The following COL28A1 variants were observed in gnomAD, a reference collection of about 807,000 sequenced individuals.
The protein encoded by COL28A1 is collagen type XXVIII alpha 1 chain.
Under a neutral mutation model 150.2 loss-of-function variants are expected in COL28A1, and 161 were observed. The observed-to-expected ratio is 1.07, with a 90% CI of 0.94 to 1.22. The LOEUF is 1.22. COL28A1 is among the 50% of genes most tolerant of loss of function. The probability of loss-of-function intolerance (pLI) is 0.00; values close to 1 mark genes in which losing one functional copy is unlikely to be tolerated. For missense variants in COL28A1, 1,617 were observed against 1,388.3 expected (o/e 1.16, Z -2.62); for synonymous variants, 552 against 469.7 (o/e 1.18, Z -2.26).
At chr7:7,510,975 C>G in intron 9 of COL28A1, 116 bp downstream of exon 9, 1 of 773,608 alleles carries the variant, frequency 1.3e-6, no homozygotes, top group Non-Finnish European at 2.2e-6. Flanking sequence ...AAAATTGAGC[C>G]ATTGATTCCA....
chr7:7,464,610 C>G (rs929579930), intron 15 of COL28A1, among the ~76,000 whole-genome samples: 1 of 152,190 alleles, frequency 6.6e-6, no homozygotes, highest in African/African-American at 2.4e-5. Flanking sequence ...ATTCTTCAAA[C>G]TGAATGACAA....
chr7:7,443,097 T>C (rs1033733047), intron 20 of COL28A1, among the ~76,000 whole-genome samples: 2 of 152,058 alleles, frequency 1.3e-5, no homozygotes, highest in East Asian at 1.9e-4. Context: ...ATGTCACTAG[T>C]TGTCTTATCC....
chr7:7,431,430 C>T (rs1784964906), intron 25 of COL28A1: 2 of 434,156 alleles, frequency 4.6e-6, no homozygotes, highest in Admixed American at 2.6e-5. Context: ...GGAAAACATA[C>T]AGAGGGGTTG....
At position 7,419,950 on chromosome 7, in the gene COL28A1, C is replaced by T; in HGVS notation, c.2002G>A (p.Glu668Lys). ...RGVGDTGAKG[E>K]PGVRGPPGPS... The stretch of plus-strand genomic sequence containing the variant: ...CCTGGAGGGCCTCTGACCCCAGGCT[C>T]TCCCTGAAAAGACACAACAAATAAC... Residue 668 changes from glutamate (E) to lysine (K), a missense_variant, in exon 26 of 35, where the codon GAG becomes AAG. Physicochemically the swap from Glu to Lys is moderately conservative, Grantham distance 56 (BLOSUM62 1). Coordinates refer to ENST00000399429, the MANE Select transcript of COL28A1 (RefSeq NM_001037763.3). 1.3e-6 allele frequency: 2 copies of T among 1,585,736 alleles called. No homozygotes were observed. Among genetic ancestry groups the T allele is most frequent in the Middle Eastern group, 1.7e-4 (1 of 5,912 alleles).
chr7:7,354,920 G>A (rs1476128132), downstream of COL28A1, among the ~76,000 whole-genome samples: 3 of 152,072 alleles, frequency 2.0e-5, no homozygotes, highest in African/African-American at 7.3e-5. Flanking sequence ...TACCTGGCAC[G>A]AAGATGGTTA....
intron 30 of COL28A1, among the ~76,000 whole-genome samples, chr7:7,376,111 G>C (rs1018640802): frequency 6.6e-6 from 1 of 152,078 alleles, no homozygotes; most frequent in South Asian, 2.1e-4. Context: ...CATCAGAAGG[G>C]CCTGAAATGA....
intron 27 of COL28A1, among the ~76,000 whole-genome samples, chr7:7,391,466 G>A (rs1228658239): frequency 1.3e-5 from 2 of 152,154 alleles, no homozygotes; most frequent in Non-Finnish European, 2.9e-5. Flanking sequence ...GATTTGGGGT[G>A]GAAGGTTCTG....
intron 27 of COL28A1, among the ~76,000 whole-genome samples, chr7:7,416,680 T>C (rs1445491512): frequency 2.0e-5 from 3 of 152,224 alleles, no homozygotes; most frequent in Admixed American, 6.5e-5. Flanking sequence ...TTTGCTTAGA[T>C]ACTCAGCCCG....
chr7:7,352,431 G>A (rs1479845692), downstream of COL28A1, among the ~76,000 whole-genome samples: 1 of 152,106 alleles, frequency 6.6e-6, no homozygotes, highest in Non-Finnish European at 1.5e-5. Flanking sequence ...CTAAACTGAA[G>A]GACTTTGAGG....
chr7:7,350,583 C>A, the COL28A1 span, among the ~76,000 whole-genome samples: 1 of 151,254 alleles, frequency 6.6e-6, no homozygotes, highest in Non-Finnish European at 1.5e-5. Context: ...GAGATAATTA[C>A]TTAAAGGCAA....
At chr7:7,417,352 C>T (rs1449365544) in intron 27 of COL28A1, among the ~76,000 whole-genome samples, 2 of 151,556 alleles carry the variant, frequency 1.3e-5, no homozygotes, top group African/African-American at 2.4e-5. Context: ...ACAGCACTCA[C>T]ACTCTACTCC....
At chr7:7,400,160 C>T (rs901763647) in intron 27 of COL28A1, among the ~76,000 whole-genome samples, 1 of 152,214 alleles carries the variant, frequency 6.6e-6, no homozygotes, top group African/African-American at 2.4e-5. Flanking sequence ...GTAGGCTAAA[C>T]AGTGGCCCCT....
intron 27 of COL28A1, among the ~76,000 whole-genome samples, chr7:7,398,879 A>C (rs908294149): frequency 1.3e-5 from 2 of 152,102 alleles, no homozygotes; most frequent in Non-Finnish European, 2.9e-5. Flanking sequence ...TTTAGATGTC[A>C]GTTTGCCTTT....
At chr7:7,369,676 T>C (rs922074749) in intron 33 of COL28A1, among the ~76,000 whole-genome samples, 1 of 152,228 alleles carries the variant, frequency 6.6e-6, no homozygotes, top group African/African-American at 2.4e-5. Context: ...TAGTGAGTTC[T>C]ATAGCCTGTG....
chr7:7,539,454 C>A (rs184632259), upstream of COL28A1, among the ~76,000 whole-genome samples: 7 of 152,250 alleles, frequency 4.6e-5, no homozygotes, highest in Non-Finnish European at 8.8e-5. Flanking sequence ...CATAAGGGAT[C>A]CACCCACATG....
chr7:7,376,505 T>C (rs1781550293), intron 30 of COL28A1, among the ~76,000 whole-genome samples: 1 of 152,218 alleles, frequency 6.6e-6, no homozygotes. Flanking sequence ...ACTGCAGTGC[T>C]GAGTTATATA....
chr7:7,430,845 G>A (rs1328928451), intron 25 of COL28A1, among the ~76,000 whole-genome samples: 2 of 152,080 alleles, frequency 1.3e-5, no homozygotes, highest in Admixed American at 1.3e-4. Context: ...TGATACAGTT[G>A]AGGCTTATTC....
intron 11 of COL28A1, among the ~76,000 whole-genome samples, chr7:7,495,316 T>C (rs961019701): frequency 3.3e-5 from 5 of 152,180 alleles, no homozygotes; most frequent in Non-Finnish European, 7.3e-5. Context: ...AAATGCCCAG[T>C]AGACACATGT....
Position 7,453,476 on chromosome 7 carries a change from TG to T in COL28A1, c.1403del (p.Pro468HisfsTer16). On this transcript the variant is annotated frameshift_variant, in exon 17 of 35. Coordinates refer to ENST00000399429, the MANE Select transcript of COL28A1 (RefSeq NM_001037763.3). LOFTEE classifies it high-confidence loss of function. ...GTAAGCCCTGTCCTGCGGGCCCTTG[TG>T]GACCAGGTGGACCAATAGGACCTTG... is the stretch of plus-strand genomic sequence containing the variant. ...GIQGPIGPPG[P>X]QGPAGQGLPG... The T allele has an allele frequency of 1.6e-6, 2 of 1,257,006 alleles. No homozygotes were observed. The highest frequency in any genetic ancestry group is 2.3e-6 in the Non-Finnish European group (2 of 859,006). 77.9% of individuals were successfully genotyped at this position (1,257,006 alleles called of 1,614,324 possible).
Sources: gnomAD v4.1 joint callset for allele counts (sites outside exome capture counted in the v4.1 genomes callset) on GRCh38, gnomAD v4.1.1 for gene constraint, MANE v1.5 for transcripts, NCBI Gene and HGNC (gene_info 2026-07-23, HGNC 2026-07-21) for gene names.